The following ZNF385D variants were observed in gnomAD, a reference collection of about 807,000 sequenced individuals.
ZNF385D encodes zinc finger protein 659.
ZNF385D carries 15 observed loss-of-function variants against 35.8 expected under a neutral mutation model. That is an observed-to-expected ratio of 0.42 (90% CI 0.28 to 0.64). The LOEUF (loss-of-function observed/expected upper bound fraction) is 0.64. ZNF385D is among the 30% of genes least tolerant of loss of function. The pLI, the probability that ZNF385D is intolerant of heterozygous loss-of-function variation, is 0.23. For missense variants in ZNF385D, 474 were observed against 494.6 expected, an observed-to-expected ratio of 0.96 and a Z score of 0.39; for synonymous variants, 212 against 186.8, an observed-to-expected ratio of 1.13 and a Z score of -1.10.
chr3:21,982,951 T>C (rs1262351529), intron 3 of ZNF385D, among the ~76,000 whole-genome samples: 6 of 152,104 alleles, frequency 3.9e-5, no homozygotes, highest in Non-Finnish European at 7.4e-5. Context: ...TACTTGATCA[T>C]AGCGGATTAG....
chr3:22,353,957 A>G (rs894333972), intron 2 of ZNF385D, among the ~76,000 whole-genome samples: 2 of 152,060 alleles, frequency 1.3e-5, no homozygotes, highest in Non-Finnish European at 2.9e-5. Context: ...CTTATCCAAT[A>G]TAAATTCCAT....
chr3:21,787,955 A>C (rs2071766226), intron 3 of ZNF385D, among the ~76,000 whole-genome samples: 1 of 11,566 alleles, frequency 8.6e-5, no homozygotes, highest in East Asian at 1.3e-3. Context: ...AAAAAAAAAA[A>C]AAAAAAAAAA....
At chr3:21,823,860 C>A (rs1009905432) in intron 3 of ZNF385D, among the ~76,000 whole-genome samples, 3 of 152,118 alleles carry the variant, frequency 2.0e-5, no homozygotes, top group African/African-American at 7.2e-5. Flanking sequence ...AAGGAGTTCC[C>A]ATTGCTTAGG....
intron 3 of ZNF385D, among the ~76,000 whole-genome samples, chr3:22,022,742 A>G (rs911488375): frequency 1.3e-5 from 2 of 152,168 alleles, no homozygotes; most frequent in Non-Finnish European, 2.9e-5. Context: ...CCAGAAATTG[A>G]GATGGAAAAA....
intron 3 of ZNF385D, among the ~76,000 whole-genome samples, chr3:21,798,899 A>G (rs146800231): frequency 2.8e-4 from 43 of 152,306 alleles, no homozygotes; most frequent in African/African-American, 1.0e-3. Context: ...ACGTCTATAT[A>G]GTTAAAAAAT....
chr3:21,872,395 G>C (rs1009388553), intron 3 of ZNF385D, among the ~76,000 whole-genome samples: 3 of 152,052 alleles, frequency 2.0e-5, no homozygotes, highest in African/African-American at 7.2e-5. Flanking sequence ...TGCATAACTG[G>C]AACTCCATAT....
intron 2 of ZNF385D, among the ~76,000 whole-genome samples, chr3:21,627,727 G>T (rs1010664638): frequency 6.6e-6 from 1 of 152,074 alleles, no homozygotes; most frequent in Admixed American, 6.6e-5. Context: ...ATAGCAAAAT[G>T]TGTGCAGCTG....
intron 1 of ZNF385D, among the ~76,000 whole-genome samples, chr3:21,690,447 T>C (rs958239860): frequency 1.3e-5 from 2 of 152,194 alleles, no homozygotes; most frequent in African/African-American, 4.8e-5. Flanking sequence ...CCTGATTAGA[T>C]GGTCAACAGG....
chr3:21,819,778 C>T (rs2073320535), intron 3 of ZNF385D, among the ~76,000 whole-genome samples: 1 of 44,492 alleles, frequency 2.2e-5, no homozygotes, highest in South Asian at 4.8e-4. Context: ...AATTAATACA[C>T]ATAAATATAA....
chr3:22,362,214 A>T (rs1575200881), intron 2 of ZNF385D, among the ~76,000 whole-genome samples: 1 of 152,002 alleles, frequency 6.6e-6, no homozygotes, highest in Admixed American at 6.6e-5. Context: ...TTAAATTAAG[A>T]ACACATGTTC....
In ZNF385D at chr3:21,425,735, T is replaced by C. The variant is rs867503259; in HGVS notation, c.674-65A>G. On this transcript the variant is annotated intron_variant, in intron 5 of 7. Coordinates refer to ENST00000281523, the MANE Select transcript of ZNF385D (RefSeq NM_024697.3). ...GAAAGAAGGGAGGGAGAGAAGGAGG[T>C]GGGATGGGAGGAAAAAAATCTTAGC... The C allele has an allele frequency of 2.0e-4, 294 of 1,438,450 alleles. 3 individuals carry two copies. In the Middle Eastern group the frequency reaches 2.9e-3, roughly 14 times the overall value. 89.1% of individuals were successfully genotyped at this position (1,438,450 alleles called of 1,614,324 possible). A position where few individuals can be genotyped will look rare whatever the true frequency, so the allele number is the denominator to read the frequency against.
chr3:22,082,870 G>A (rs1336362847), intron 3 of ZNF385D, among the ~76,000 whole-genome samples: 1 of 152,186 alleles, frequency 6.6e-6, no homozygotes. Flanking sequence ...GGATCAGGCA[G>A]CAATATTTGC....
At chr3:21,612,748 AT>A (rs2064721881) in intron 2 of ZNF385D, among the ~76,000 whole-genome samples, 1 of 152,228 alleles carries the variant, frequency 6.6e-6, no homozygotes, top group Non-Finnish European at 1.5e-5. Context: ...AAATCAAATG[AT>A]TTATTAGAAT....
intron 3 of ZNF385D, among the ~76,000 whole-genome samples, chr3:21,921,336 T>C (rs1700451146): frequency 1.3e-5 from 2 of 152,058 alleles, no homozygotes; most frequent in African/African-American, 4.8e-5. Context: ...ATTTGCATTA[T>C]CAGTAATATG....
chr3:21,444,313 C>A (rs915641628), intron 4 of ZNF385D, among the ~76,000 whole-genome samples: 19 of 150,904 alleles, frequency 1.3e-4, no homozygotes, highest in African/African-American at 4.4e-4. Flanking sequence ...AACTCCTGAC[C>A]TGACGATCTG....
intron 3 of ZNF385D, among the ~76,000 whole-genome samples, chr3:21,532,174 T>G (rs928885313): frequency 5.9e-5 from 9 of 152,130 alleles, no homozygotes; most frequent in South Asian, 2.1e-4. Context: ...TGCAATCATC[T>G]TTCACCCACG....
intron 3 of ZNF385D, among the ~76,000 whole-genome samples, chr3:21,907,026 C>A (rs1252279514): frequency 6.6e-6 from 1 of 152,126 alleles, no homozygotes; most frequent in Non-Finnish European, 1.5e-5. Flanking sequence ...GGATCCATGT[C>A]AATATCACTT....
chr3:21,687,488 C>T (rs891051422), intron 1 of ZNF385D, among the ~76,000 whole-genome samples: 11 of 152,136 alleles, frequency 7.2e-5, no homozygotes, highest in Middle Eastern at 3.4e-3. Context: ...TACCCTCGGC[C>T]GCTACACATG....
intron 3 of ZNF385D, among the ~76,000 whole-genome samples, chr3:21,826,516 G>C (rs1216910484): frequency 6.6e-6 from 1 of 152,154 alleles, no homozygotes; most frequent in Non-Finnish European, 1.5e-5. Flanking sequence ...GAGAAGAAGA[G>C]GTTCAGGAAG....
Sources: gnomAD v4.1 joint callset for allele counts (sites outside exome capture counted in the v4.1 genomes callset) on GRCh38, gnomAD v4.1.1 for gene constraint, MANE v1.5 for transcripts, NCBI Gene and HGNC (gene_info 2026-07-23, HGNC 2026-07-21) for gene names.